ATG7: variants seen among roughly 807,000 people sequenced by gnomAD.
ATG7 encodes ubiquitin-like modifier-activating enzyme ATG7.
ATG7 carries 70 observed loss-of-function variants against 82.4 expected under a neutral mutation model. That is an observed-to-expected ratio of 0.85 (90% CI 0.70 to 1.04). ATG7 has a LOEUF of 1.04. Among genes scored for constraint, ATG7 ranks in the 50% least tolerant of loss-of-function variants. The probability of loss-of-function intolerance (pLI) is 0.00; values close to 1 mark genes in which losing one functional copy is unlikely to be tolerated. For synonymous variants in ATG7, 287 were observed against 313.0 expected (o/e 0.92, Z 0.88); for missense variants, 792 against 864.3 (o/e 0.92, Z 1.05).
chr3:11,385,072 G>A (rs1199520484), intron 19 of ATG7, among the ~76,000 whole-genome samples: 2 of 152,106 alleles, frequency 1.3e-5, no homozygotes, highest in African/African-American at 2.4e-5. Flanking sequence ...GCTCACTTGC[G>A]AGGCTGGAGT....
rs190628307 is a variant in ATG7 at position 11,375,105 on chromosome 3, C to T, written c.1876-4867C>T. On this transcript the variant is annotated intron_variant, in intron 18 of 20. Transcript: ENST00000693202. ...TGGTGTGTTCCTGTAGTCCCAGCTA[C>T]TGGAGAGGCTGAGGATCGCTTGAGC... 8.6e-5 allele frequency among the ~76,000 whole-genome samples: 13 copies of T among 151,508 alleles called. 1 individual carries two copies. The East Asian group carries it at 1.6e-3, about 18-fold the overall frequency.
Position 11,556,252 on chromosome 3 carries a change from T to C in ATG7, c.*1409T>C, listed in dbSNP as rs1280149295. On this transcript the variant is annotated 3_prime_UTR_variant, in exon 21 of 21. Transcript: ENST00000693202. ...AGGCAGCGCGGCTCTGGGAAGAACTTCACGGAGCCCCTTCTTAGAGCAGGG... is the reference window on the plus strand; with the variant it reads ...AGGCAGCGCGGCTCTGGGAAGAACTCCACGGAGCCCCTTCTTAGAGCAGGG... The C allele has an allele frequency of 6.6e-6, 1 of 152,546 alleles. No homozygotes were observed. The highest frequency in any genetic ancestry group is 1.5e-5 in the Non-Finnish European group (1 of 68,000). 9.4% of individuals were successfully genotyped at this position (152,546 alleles called of 1,614,324 possible). A position where few individuals can be genotyped will look rare whatever the true frequency, so the allele number is the denominator to read the frequency against.
chr3:11,286,073 A>G (rs926414123), intron 3 of ATG7, among the ~76,000 whole-genome samples: 3 of 152,176 alleles, frequency 2.0e-5, no homozygotes, highest in African/African-American at 7.2e-5. Context: ...CTCCCATGAG[A>G]TCCAGGTTGT....
At chr3:11,336,444 G>T (rs7625495) in intron 11 of ATG7, among the ~76,000 whole-genome samples, 79,618 of 152,006 alleles carry the variant, frequency 0.52, 21,865 homozygotes, top group Non-Finnish European at 0.63. Context: ...ATTAAATGTA[G>T]ATTATTTAGC....
At chr3:11,299,987 C>G (rs1946530564) in intron 5 of ATG7, among the ~76,000 whole-genome samples, 1 of 150,780 alleles carries the variant, frequency 6.6e-6, no homozygotes, top group African/African-American at 2.4e-5. Flanking sequence ...TGTAGTAGTA[C>G]AATCTCAGCC....
intron 20 of ATG7, among the ~76,000 whole-genome samples, chr3:11,497,533 C>CAAAAAA (rs760302631): frequency 9.0e-5 from 7 of 77,398 alleles, no homozygotes; most frequent in African/African-American, 3.1e-4. Flanking sequence ...GAGACTCCAC[C>CAAAAAA]AAAAAAAAAA....
chr3:11,286,471 T>A (rs1029836337), intron 3 of ATG7, among the ~76,000 whole-genome samples: 1 of 152,060 alleles, frequency 6.6e-6, no homozygotes, highest in South Asian at 2.1e-4. Context: ...CTCATAGTCA[T>A]AGAAGTTTGG....
At chr3:11,560,468 G>A (rs991442850), downstream of ATG7, among the ~76,000 whole-genome samples, 2 of 152,162 alleles carry the variant, frequency 1.3e-5, no homozygotes, top group Non-Finnish European at 2.9e-5. Context: ...GAGGGACGCT[G>A]GGCCTTATCC....
At chr3:11,537,031 C>T (rs1344049804) in intron 20 of ATG7, among the ~76,000 whole-genome samples, 1 of 152,150 alleles carries the variant, frequency 6.6e-6, no homozygotes, top group Non-Finnish European at 1.5e-5. Flanking sequence ...AACCCAGGCC[C>T]CTCTCCGCGG....
chr3:11,482,845 T>C (rs2089173905), intron 20 of ATG7, among the ~76,000 whole-genome samples: 1 of 152,056 alleles, frequency 6.6e-6, no homozygotes, highest in Non-Finnish European at 1.5e-5. Context: ...GCATATATCT[T>C]AAGTATACAT....
chr3:11,399,304 T>C (rs2079588627), intron 19 of ATG7, among the ~76,000 whole-genome samples: 1 of 152,092 alleles, frequency 6.6e-6, no homozygotes, highest in Non-Finnish European at 1.5e-5. Context: ...GCTGAGATGG[T>C]GCCACTCTAC....
intron 18 of ATG7, 131 bp downstream of exon 18, chr3:11,364,865 G>T: frequency 1.1e-6 from 1 of 918,032 alleles, no homozygotes. Flanking sequence ...ATTTCAATGG[G>T]AGAGCTTTCT....
chr3:11,420,278 T>C (rs907566772), intron 19 of ATG7, among the ~76,000 whole-genome samples: 2 of 152,204 alleles, frequency 1.3e-5, no homozygotes, highest in Non-Finnish European at 2.9e-5. Flanking sequence ...TTCCACATAT[T>C]TTTAAGCCAG....
chr3:11,298,932 TAGAA>T, intron 4 of ATG7, 77 bp downstream of exon 4: 1 of 1,500,822 alleles, frequency 6.7e-7, no homozygotes, highest in Non-Finnish European at 9.1e-7. Flanking sequence ...AGCTTTCCTT[TAGAA>T]AGAGACAGCC....
chr3:11,558,886 G>A (rs1399860546), downstream of ATG7: 7 of 1,578,036 alleles, frequency 4.4e-6, no homozygotes, highest in Admixed American at 6.8e-5. Flanking sequence ...AGACAGGCAC[G>A]GTTGCAGCAC....
At chr3:11,342,622 T>C (rs1953832287) in intron 13 of ATG7, among the ~76,000 whole-genome samples, 1 of 152,180 alleles carries the variant, frequency 6.6e-6, no homozygotes, top group East Asian at 1.9e-4. Context: ...GATTAGATCA[T>C]AGCATACTAT....
intron 20 of ATG7, among the ~76,000 whole-genome samples, chr3:11,521,843 C>T (rs1046849629): frequency 3.9e-5 from 6 of 151,928 alleles, no homozygotes; most frequent in Non-Finnish European, 7.4e-5. Flanking sequence ...TGAGCCACCA[C>T]GCCCGGCCCC....
rs763417298 is a variant in ATG7, at chr3:11,282,201, A to T, written c.-248A>T. 2 of 152,216 alleles carry T rather than the reference A, an allele frequency of 1.3e-5. No homozygotes were observed. The highest frequency in any genetic ancestry group is 1.9e-4 in the East Asian group (1 of 5,200). The allele number at this position is 152,216 out of a possible 1,614,324, so 9.4% of individuals were successfully genotyped here. On this transcript the variant is annotated 5_prime_UTR_variant, in exon 3 of 21. Transcript: ENST00000693202. ...CTGTCCCTCCCATGTAGGCTTCTCA[A>T]ACCCCATAATGCTGGTATCCAGTGC...
chr3:11,379,528 C>A (rs1374569497), intron 18 of ATG7, among the ~76,000 whole-genome samples: 1 of 152,150 alleles, frequency 6.6e-6, no homozygotes, highest in Non-Finnish European at 1.5e-5. Context: ...CACAGTCCCC[C>A]AAGCCATCTT....
Sources: allele counts gnomAD v4.1 joint callset (sites outside exome capture counted in the v4.1 genomes callset), GRCh38; gene constraint gnomAD v4.1.1; transcripts MANE v1.5; gene names NCBI Gene and HGNC (gene_info 2026-07-23, HGNC 2026-07-21).